RABGEF1: variants seen among roughly 807,000 people sequenced by gnomAD.
The protein encoded by RABGEF1 is RAB guanine nucleotide exchange factor 1.
RABGEF1 carries 26 observed loss-of-function variants against 57.3 expected under a neutral mutation model. The observed-to-expected ratio is 0.45, with a 90% CI of 0.33 to 0.63. RABGEF1 has a LOEUF of 0.63. Ranked by LOEUF, RABGEF1 falls within the 20% of genes least tolerant of loss-of-function variation. The pLI, the probability that RABGEF1 is intolerant of heterozygous loss-of-function variation, is 0.02. For synonymous variants in RABGEF1, 185 were observed against 210.7 expected (o/e 0.88, Z 1.06); for missense variants, 464 against 607.6 (o/e 0.76, Z 2.48).
chr7:66,745,980 T>C (rs1452410312), intron 1 of RABGEF1, among the ~76,000 whole-genome samples: 1 of 152,176 alleles, frequency 6.6e-6, no homozygotes, highest in East Asian at 1.9e-4. Context: ...AGTTTCATAG[T>C]ACAGGCCAAA....
chr7:66,669,376 TA>T, the RABGEF1 span: 1 of 152,210 alleles, frequency 6.6e-6, no homozygotes, highest in East Asian at 1.9e-4. Flanking sequence ...CAGGCGCCAA[TA>T]TGGGGTAACT....
At chr7:66,734,905 A>G (rs1027032540) in intron 2 of RABGEF1, among the ~76,000 whole-genome samples, 2 of 151,826 alleles carry the variant, frequency 1.3e-5, no homozygotes, top group African/African-American at 2.4e-5. Flanking sequence ...ACCCCACAAA[A>G]CTGCTCACCA....
Position 66,775,364 on chromosome 7 carries a change from G to T in RABGEF1, c.317G>T (p.Ser106Ile), listed in dbSNP as rs373681548. The change falls in exon 3 of 9, where the codon AGT becomes ATT. Residue 106 changes from serine to isoleucine, a missense_variant. Ser to Ile is a moderately radical substitution (Grantham distance 142). Transcript: ENST00000284957. ...RKVTTVKKFF[S>I]ASSRVGSKKE... is the part of the protein sequence containing the mutation. ...GTTACCACAGTGAAGAAATTCTTCA[G>T]TGCATCTTCCAGGGTCGGATCAAAG... is the stretch of plus-strand genomic sequence containing the variant. 2.7e-5 allele frequency: 43 copies of T among 1,613,902 alleles called. 1 individual carries two copies. The Middle Eastern group carries it at 2.5e-3, about 93-fold the overall frequency.
At chr7:66,682,031 G>C (rs551823458), upstream of RABGEF1, 18 of 164,476 alleles carry the variant, frequency 1.1e-4, no homozygotes, top group African/African-American at 3.8e-4. Flanking sequence ...GATCCCGCTC[G>C]CACTTCCTCC....
chr7:66,753,420 A>AT (rs1801900091), intron 1 of RABGEF1, among the ~76,000 whole-genome samples: 1 of 152,032 alleles, frequency 6.6e-6, no homozygotes, highest in South Asian at 2.1e-4. Flanking sequence ...TGGATGGTAT[A>AT]TTTTTCCCCC....
the RABGEF1 span, among the ~76,000 whole-genome samples, chr7:66,662,799 G>C: frequency 6.6e-6 from 1 of 151,602 alleles, no homozygotes; most frequent in African/African-American, 2.4e-5. Context: ...GTGTGTGCAG[G>C]TGTATGTGTG....
intron 2 of RABGEF1, among the ~76,000 whole-genome samples, chr7:66,772,925 T>A (rs117737004): frequency 0.069 from 10,301 of 148,818 alleles, 515 homozygotes; most frequent in East Asian, 0.27. Flanking sequence ...AAAAAATAAA[T>A]AAATAAATAA....
intron 2 of RABGEF1, among the ~76,000 whole-genome samples, chr7:66,716,267 T>A (rs1795381782): frequency 6.6e-6 from 1 of 152,182 alleles, no homozygotes; most frequent in African/African-American, 2.4e-5. Flanking sequence ...ACGTAACATA[T>A]CTTTTTCCAT....
At chr7:66,656,185 C>T in the RABGEF1 span, among the ~76,000 whole-genome samples, 2 of 152,086 alleles carry the variant, frequency 1.3e-5, no homozygotes, top group Non-Finnish European at 2.9e-5. Context: ...GACACGATCA[C>T]GAGTCACTGA....
intron 3 of RABGEF1, among the ~76,000 whole-genome samples, chr7:66,781,922 T>A (rs138771241): frequency 1.3e-5 from 2 of 152,324 alleles, no homozygotes; most frequent in Non-Finnish European, 2.9e-5. Flanking sequence ...TTTGTTTCCC[T>A]TCTTTGAGGA....
chr7:66,657,673 T>C, the RABGEF1 span, among the ~76,000 whole-genome samples: 1 of 151,916 alleles, frequency 6.6e-6, no homozygotes, highest in South Asian at 2.1e-4. Flanking sequence ...ATACAAAAAT[T>C]AGCCAGGCAT....
In RABGEF1 at chr7:66,810,150, G is replaced by C. The variant is rs534365582; in HGVS notation, c.*866G>C. ...CGGGAATGAATGGGCCTCTGATGGT[G>C]AGAGGTGACGGGGTCCCTCAGCTGT... On this transcript the variant is annotated 3_prime_UTR_variant, in exon 9 of 9. Coordinates refer to ENST00000284957, the MANE Select transcript of RABGEF1 (RefSeq NM_014504.3). 1.3e-5 allele frequency: 2 copies of C among 152,364 alleles called. No homozygotes were observed. The highest frequency in any genetic ancestry group is 1.3e-4 in the Admixed American group (2 of 15,298). The allele number at this position is 152,364 out of a possible 1,614,324, so 9.4% of individuals were successfully genotyped here. A position where few individuals can be genotyped will look rare whatever the true frequency, so the allele number is the denominator to read the frequency against.
At chr7:66,693,029 G>C (rs186897648) in intron 1 of RABGEF1, among the ~76,000 whole-genome samples, 1 of 152,120 alleles carries the variant, frequency 6.6e-6, no homozygotes, top group South Asian at 2.1e-4. Context: ...CCCTCCTAGC[G>C]GGGGAAAAAA....
intron 2 of RABGEF1, among the ~76,000 whole-genome samples, chr7:66,715,215 A>G (rs1795245821): frequency 6.6e-6 from 1 of 151,816 alleles, no homozygotes; most frequent in Admixed American, 6.6e-5. Flanking sequence ...GCATCCTCAA[A>G]CTCATGGGCT....
At chr7:66,764,907 A>G (rs1805322351) in intron 1 of RABGEF1, among the ~76,000 whole-genome samples, 1 of 152,200 alleles carries the variant, frequency 6.6e-6, no homozygotes, top group African/African-American at 2.4e-5. Context: ...GTTTTCTTAC[A>G]TTCTTTTTCA....
the RABGEF1 span, among the ~76,000 whole-genome samples, chr7:66,670,420 A>G: frequency 3.0e-5 from 4 of 133,712 alleles, 1 homozygote; most frequent in African/African-American, 1.1e-4. Context: ...AAATGGGCTT[A>G]TTGAATGAGA....
At chr7:66,801,126 C>G (rs1161682146) in intron 7 of RABGEF1, among the ~76,000 whole-genome samples, 1 of 152,058 alleles carries the variant, frequency 6.6e-6, no homozygotes, top group African/African-American at 2.4e-5. Flanking sequence ...AGTGTGCCAC[C>G]CCAGGAAGGG....
upstream of RABGEF1, among the ~76,000 whole-genome samples, chr7:66,736,437 A>AAGG (rs764302400): frequency 1.3e-5 from 2 of 152,184 alleles, no homozygotes; most frequent in African/African-American, 2.4e-5. Context: ...ACAGAAGAAG[A>AAGG]AGGGGAGTGG....
rs1644120322 is a variant in RABGEF1, at chr7:66,809,342, C to G, written c.*58C>G. 1 of 1,494,680 alleles carries G rather than the reference C, an allele frequency of 6.7e-7. No individual in the cohort carries two copies. Among genetic ancestry groups the G allele is most frequent in the African/African-American group, 1.4e-5 (1 of 71,414 alleles). 92.6% of individuals were successfully genotyped at this position (1,494,680 alleles called of 1,614,324 possible). ...TAAATTGTAGGTAGCCCTTACTACA[C>G]TCAACTGATTGGGATCTAGAATGTA... On this transcript the variant is annotated 3_prime_UTR_variant, in exon 9 of 9. Coordinates refer to ENST00000284957, the MANE Select transcript of RABGEF1 (RefSeq NM_014504.3).
Sources: allele counts gnomAD v4.1 joint callset (sites outside exome capture counted in the v4.1 genomes callset), GRCh38; gene constraint gnomAD v4.1.1; transcripts MANE v1.5; gene names NCBI Gene and HGNC (gene_info 2026-07-23, HGNC 2026-07-21).